The following NRG1 variants were observed in gnomAD, a reference collection of about 807,000 sequenced individuals.
NRG1 encodes neuregulin 1, also known as pro-neuregulin-1, membrane-bound isoform.
NRG1 carries 18 observed loss-of-function variants against 63.8 expected under a neutral mutation model. The ratio of observed to expected loss-of-function variants is 0.28; its 90% CI spans 0.19 to 0.42. The LOEUF is 0.42. NRG1 is among the 10% of genes least tolerant of loss of function. The pLI, the probability that NRG1 is intolerant of heterozygous loss-of-function variation, is 1.00. For synonymous variants in NRG1, 302 were observed against 301.3 expected (o/e 1.00, Z -0.02); for missense variants, 762 against 814.7 (o/e 0.94, Z 0.79).
downstream of NRG1, among the ~76,000 whole-genome samples, chr8:32,771,962 G>T (rs1308495399): frequency 6.9e-5 from 10 of 145,086 alleles, 1 homozygote; most frequent in Non-Finnish European, 1.4e-4. Flanking sequence ...GGCAGAGGTT[G>T]CAGTGAGTTG....
intron 1 of NRG1, among the ~76,000 whole-genome samples, chr8:32,231,440 G>A (rs1460199050): frequency 1.3e-5 from 2 of 152,032 alleles, no homozygotes; most frequent in African/African-American, 4.8e-5. Flanking sequence ...AGGAAAAATA[G>A]GTTTTGCATA....
intron 1 of NRG1, among the ~76,000 whole-genome samples, chr8:32,412,434 A>ATATATATG (rs1815161472): frequency 1.0e-4 from 4 of 39,956 alleles, no homozygotes; most frequent in Non-Finnish European, 2.4e-4. Context: ...ATATATATAT[A>ATATATATG]TATATATATA....
At position 32,589,023 on chromosome 8, in the gene NRG1, T is replaced by A. The variant is rs1842093587; in HGVS notation, c.101-6805T>A. On this transcript the variant is annotated intron_variant, in intron 1 of 11. Transcript: ENST00000356819. ...AACAAATAATGATCTTGTTGGGCGA[T>A]TCGGGATATAACCCAACATCACCCA... Among the ~76,000 whole-genome samples the A allele has an allele frequency of 2.0e-5, 3 of 152,170 alleles. No individual in the cohort carries two copies. In the East Asian group the frequency reaches 5.8e-4, roughly 29 times the overall value.
intron 1 of NRG1, among the ~76,000 whole-genome samples, chr8:32,042,142 T>C (rs1320175757): frequency 6.6e-6 from 1 of 152,098 alleles, no homozygotes; most frequent in Non-Finnish European, 1.5e-5. Context: ...TATTCTCGAA[T>C]GAATTAAAAC....
At chr8:31,741,221 C>A (rs1451185795) in intron 1 of NRG1, among the ~76,000 whole-genome samples, 1 of 151,786 alleles carries the variant, frequency 6.6e-6, no homozygotes, top group Non-Finnish European at 1.5e-5. Flanking sequence ...CCCTTAGGGG[C>A]AGGAGGGAAC....
intron 1 of NRG1, among the ~76,000 whole-genome samples, chr8:31,801,795 A>G (rs1452936872): frequency 6.6e-6 from 1 of 152,230 alleles, no homozygotes; most frequent in Non-Finnish European, 1.5e-5. Flanking sequence ...TCAATATCAG[A>G]CGAAAGTTCT....
intron 1 of NRG1, among the ~76,000 whole-genome samples, chr8:31,705,792 T>C (rs1811089529): frequency 6.6e-6 from 1 of 152,220 alleles, no homozygotes; most frequent in African/African-American, 2.4e-5. Flanking sequence ...TGTGTATTAA[T>C]ATTCTATGCT....
At chr8:32,040,673 A>G (rs918910633) in intron 1 of NRG1, among the ~76,000 whole-genome samples, 2 of 142,344 alleles carry the variant, frequency 1.4e-5, no homozygotes, top group East Asian at 4.0e-4. Flanking sequence ...ATATGTATAT[A>G]CACACACACA....
intron 1 of NRG1, among the ~76,000 whole-genome samples, chr8:32,257,344 T>C (rs1285207583): frequency 1.3e-5 from 2 of 152,184 alleles, no homozygotes; most frequent in Non-Finnish European, 2.9e-5. Context: ...AAAAAACTCC[T>C]GCAGCTAGCT....
At chr8:32,642,827 CA>C (rs139474399) in intron 5 of NRG1, among the ~76,000 whole-genome samples, 6,281 of 151,996 alleles carry the variant, frequency 0.041, 422 homozygotes, top group African/African-American at 0.14. Flanking sequence ...TGCCAAGATA[CA>C]GGAAAAAAGT....
intron 1 of NRG1, among the ~76,000 whole-genome samples, chr8:31,776,854 C>A (rs1468091131): frequency 6.6e-6 from 1 of 152,050 alleles, no homozygotes; most frequent in Non-Finnish European, 1.5e-5. Flanking sequence ...CATGTCCCTA[C>A]AAAGGACATG....
chr8:32,753,620 A>G (rs1829133442), intron 7 of NRG1, among the ~76,000 whole-genome samples: 1 of 152,218 alleles, frequency 6.6e-6, no homozygotes, highest in South Asian at 2.1e-4. Context: ...CCAAAGGACA[A>G]GTCACCATTT....
At chr8:32,336,610 T>G (rs187487182) in intron 1 of NRG1, among the ~76,000 whole-genome samples, 1 of 152,202 alleles carries the variant, frequency 6.6e-6, no homozygotes, top group Admixed American at 6.5e-5. Context: ...GTGGACATTT[T>G]TTTGTTTGTT....
chr8:32,280,603 G>T (rs1852598602), intron 1 of NRG1, among the ~76,000 whole-genome samples: 1 of 149,842 alleles, frequency 6.7e-6, no homozygotes, highest in African/African-American at 2.5e-5. Flanking sequence ...TGTGTTTGGG[G>T]TTTCAGTATG....
intron 1 of NRG1, among the ~76,000 whole-genome samples, chr8:32,010,051 C>T (rs868020806): frequency 6.6e-6 from 1 of 151,996 alleles, no homozygotes; most frequent in Admixed American, 6.6e-5. Context: ...GCAGGCTGAG[C>T]TAAAAGCAGA....
At chr8:32,084,795 A>T (rs1490138684) in intron 1 of NRG1, among the ~76,000 whole-genome samples, 1 of 152,172 alleles carries the variant, frequency 6.6e-6, no homozygotes, top group Non-Finnish European at 1.5e-5. Flanking sequence ...CCCTGCTTCA[A>T]GGAGAGATCA....
intron 1 of NRG1, among the ~76,000 whole-genome samples, chr8:32,270,024 C>A (rs55640333): frequency 1.3e-5 from 2 of 151,964 alleles, no homozygotes; most frequent in South Asian, 4.2e-4. Context: ...ACATAAATAC[C>A]TACACGTAAC....
At chr8:32,145,098 C>T (rs1157264281) in intron 1 of NRG1, among the ~76,000 whole-genome samples, 1 of 152,164 alleles carries the variant, frequency 6.6e-6, no homozygotes, top group Admixed American at 6.5e-5. Flanking sequence ...GTTTAGCCAA[C>T]CACGTGGAAA....
chr8:32,555,673 G>A (rs528744206), intron 1 of NRG1, among the ~76,000 whole-genome samples: 4 of 152,210 alleles, frequency 2.6e-5, no homozygotes, highest in East Asian at 1.9e-4. Flanking sequence ...GGGTTTCACC[G>A]TGTTAGCCAG....
Sources: gnomAD v4.1 joint callset for allele counts (sites outside exome capture counted in the v4.1 genomes callset) on GRCh38, gnomAD v4.1.1 for gene constraint, MANE v1.5 for transcripts, NCBI Gene and HGNC (gene_info 2026-07-23, HGNC 2026-07-21) for gene names.